The following FABP2 variants were observed in gnomAD, a reference collection of about 807,000 sequenced individuals.
FABP2 encodes fatty acid binding protein 2.
FABP2 carries 11 observed loss-of-function variants against 16.1 expected under a neutral mutation model. The ratio of observed to expected loss-of-function variants is 0.68; its 90% CI spans 0.43 to 1.13. FABP2 has a LOEUF of 1.13. Among genes scored for constraint, FABP2 ranks in the 50% most tolerant of loss-of-function variants. The probability of loss-of-function intolerance (pLI) is 0.00; values close to 1 mark genes in which losing one functional copy is unlikely to be tolerated. For synonymous variants in FABP2, 45 were observed against 50.9 expected (o/e 0.88, Z 0.49); for missense variants, 146 against 155.1 (o/e 0.94, Z 0.31).
In FABP2 at chr4:119,319,620, A is replaced by C; in HGVS notation, c.264T>G (p.Asn88Lys). ...TCCGTTTGAATTTTCCAATAAGTTT[A>C]TTTCCCTCAAGGCTCCAGGTCCCCT... is the stretch of plus-strand genomic sequence containing the variant. ...ELRGTWSLEG[N>K]KLIGKFKRTD... Residue 88 changes from asparagine to lysine, a missense_variant, in exon 3 of 4, where the codon AAT (asparagine) becomes AAG (lysine). Transcript: ENST00000274024. 6.6e-7 allele frequency: 1 copy of C among 1,515,138 alleles called. No individual in the cohort carries two copies. Among genetic ancestry groups the C allele is most frequent in the African/African-American group, 1.4e-5 (1 of 69,642 alleles). 93.9% of individuals were successfully genotyped at this position (1,515,138 alleles called of 1,614,324 possible). A position where few individuals can be genotyped will look rare whatever the true frequency, so the allele number is the denominator to read the frequency against.
Sources: gnomAD v4.1 joint callset for allele counts on GRCh38, gnomAD v4.1.1 for gene constraint, MANE v1.5 for transcripts, NCBI Gene and HGNC (gene_info 2026-07-23, HGNC 2026-07-21) for gene names.